STK24: variants seen among roughly 807,000 people sequenced by gnomAD.
STK24 encodes serine/threonine kinase 24, also known as serine/threonine-protein kinase 24.
STK24 carries 21 observed loss-of-function variants against 55.6 expected under a neutral mutation model. That is an observed-to-expected ratio of 0.38 (90% CI 0.27 to 0.54). The LOEUF (loss-of-function observed/expected upper bound fraction) is 0.54. Among genes scored for constraint, STK24 ranks in the 20% least tolerant of loss-of-function variants. The pLI is 0.79. For missense variants in STK24, 383 were observed against 538.4 expected (o/e 0.71, Z 2.86); for synonymous variants, 200 against 215.2 (o/e 0.93, Z 0.62).
intron 1 of STK24, among the ~76,000 whole-genome samples, chr13:98,550,578 TTCTC>T (rs1223891253): frequency 6.6e-6 from 1 of 152,198 alleles, no homozygotes; most frequent in African/African-American, 2.4e-5. Context: ...TAGTTTTGTC[TTCTC>T]TCTCTAAAGA....
chr13:98,474,473 TGG>T (rs1457663317), intron 5 of STK24, among the ~76,000 whole-genome samples: 7 of 151,878 alleles, frequency 4.6e-5, no homozygotes, highest in Non-Finnish European at 7.4e-5. Flanking sequence ...AGACAGCAGG[TGG>T]AGCCCCTCTG....
At chr13:98,569,614 T>A (rs551690466) in intron 1 of STK24, among the ~76,000 whole-genome samples, 163 of 152,074 alleles carry the variant, frequency 1.1e-3, no homozygotes, top group Non-Finnish European at 8.1e-4. Flanking sequence ...CTGGGATGAA[T>A]GAGAAGCATT....
intron 1 of STK24, among the ~76,000 whole-genome samples, chr13:98,528,241 C>G (rs146039123): frequency 6.6e-6 from 1 of 152,214 alleles, no homozygotes; most frequent in Non-Finnish European, 1.5e-5. Flanking sequence ...ATGACCACAC[C>G]TACCTTGCAA....
chr13:98,562,107 T>A (rs145936886), intron 1 of STK24, among the ~76,000 whole-genome samples: 2 of 151,814 alleles, frequency 1.3e-5, no homozygotes, highest in East Asian at 3.9e-4. Flanking sequence ...TATGACACAA[T>A]GCTGAATGAG....
intron 2 of STK24, among the ~76,000 whole-genome samples, chr13:98,514,022 T>TG (rs2043954799): frequency 6.6e-6 from 1 of 152,240 alleles, no homozygotes; most frequent in African/African-American, 2.4e-5. Context: ...ACAGGATACA[T>TG]TCATCATCAT....
intron 1 of STK24, among the ~76,000 whole-genome samples, chr13:98,529,922 C>G (rs1415023806): frequency 6.6e-6 from 1 of 152,084 alleles, no homozygotes; most frequent in East Asian, 1.9e-4. Flanking sequence ...TAAAGGTAAC[C>G]ATTAAACCTC....
intron 1 of STK24, among the ~76,000 whole-genome samples, chr13:98,565,338 T>C (rs1437829291): frequency 6.6e-6 from 1 of 151,914 alleles, no homozygotes; most frequent in Non-Finnish European, 1.5e-5. Context: ...CCTTATATTC[T>C]ATTAGAGGGC....
chr13:98,551,481 C>T (rs947744454), intron 1 of STK24, among the ~76,000 whole-genome samples: 1 of 151,252 alleles, frequency 6.6e-6, no homozygotes, highest in African/African-American at 2.4e-5. Flanking sequence ...CTTTATCCTA[C>T]TCCAAACTAA....
At chr13:98,477,069 T>G (rs1894405484) in intron 3 of STK24, among the ~76,000 whole-genome samples, 2 of 152,238 alleles carry the variant, frequency 1.3e-5, no homozygotes, top group South Asian at 4.1e-4. Flanking sequence ...ACTAAGGCAT[T>G]ACGCCACAGA....
intron 2 of STK24, among the ~76,000 whole-genome samples, chr13:98,518,421 T>G (rs753718743): frequency 2.0e-5 from 3 of 152,238 alleles, no homozygotes; most frequent in Non-Finnish European, 2.9e-5. Context: ...AATCATCATT[T>G]CTTTCTTCAT....
chr13:98,477,755 G>A (rs1403983888), intron 3 of STK24, among the ~76,000 whole-genome samples: 6 of 151,298 alleles, frequency 4.0e-5, no homozygotes, highest in South Asian at 2.1e-4. Flanking sequence ...CCAAGCCGAC[G>A]ATCAATACCT....
chr13:98,477,386 T>TA (rs2139293026), intron 3 of STK24, among the ~76,000 whole-genome samples: 1 of 152,278 alleles, frequency 6.6e-6, no homozygotes, highest in African/African-American at 2.4e-5. Flanking sequence ...AAAGTCATGT[T>TA]AGAGGCCAGG....
At chr13:98,562,644 A>C (rs763931747) in intron 1 of STK24, among the ~76,000 whole-genome samples, 1 of 152,216 alleles carries the variant, frequency 6.6e-6, no homozygotes, top group African/African-American at 2.4e-5. Flanking sequence ...GGCTGGGTGC[A>C]GTGGCTCACG....
rs142747154 is a variant in STK24, at chr13:98,462,102, G to A, written c.930-205C>T. ...CCTCACAGAGAAGAGACCATCGGGA[G>A]GTGGTTCCACAACTCCCTGGCGTGC... is the stretch of plus-strand genomic sequence containing the variant. On this transcript the variant is annotated intron_variant, in intron 7 of 10. Coordinates refer to ENST00000539966, the MANE Select transcript of STK24 (RefSeq NM_001032296.4). Among the ~76,000 whole-genome samples the A allele has an allele frequency of 2.0e-5, 3 of 152,154 alleles. No individual in the cohort carries two copies. In the East Asian group the frequency reaches 5.8e-4, roughly 30 times the overall value.
intron 2 of STK24, among the ~76,000 whole-genome samples, chr13:98,498,129 T>C (rs1895318106): frequency 6.6e-6 from 1 of 152,240 alleles, no homozygotes; most frequent in Admixed American, 6.5e-5. Context: ...TGAGCACTGA[T>C]GGTCTATTGT....
In STK24 at chr13:98,453,032, T is replaced by C; in HGVS notation, c.*141A>G. On this transcript the variant is annotated 3_prime_UTR_variant, in exon 11 of 11. Transcript: ENST00000539966. ...GCACAGTGAAGACTGTGTGTGTCCC[T>C]GGACGGGCGCCTGGCGCTGGGGTGG... 1 of 869,854 alleles carries C rather than the reference T, an allele frequency of 1.1e-6. No individual in the cohort carries two copies. The highest frequency in any genetic ancestry group is 1.6e-5 in the South Asian group (1 of 60,644). 53.9% of individuals were successfully genotyped at this position (869,854 alleles called of 1,614,324 possible).
chr13:98,448,433 C>T lies in STK24; in HGVS notation c.*4740G>A. The T allele has an allele frequency of 1.2e-6, 1 of 851,654 alleles. No individual in the cohort carries two copies. The highest frequency in any genetic ancestry group is 2.0e-6 in the Non-Finnish European group (1 of 512,052). The allele number at this position is 851,654 out of a possible 1,614,324, so 52.8% of individuals were successfully genotyped here. On this transcript the variant is annotated 3_prime_UTR_variant, in exon 11 of 11. Transcript: ENST00000539966. ...GTCTGAAAATCAAAAACATGGCTTC[C>T]CAGCAGCTCTCCTGTCTCCACAGCC...
chr13:98,562,325 C>T (rs1412303514), intron 1 of STK24, among the ~76,000 whole-genome samples: 1 of 152,202 alleles, frequency 6.6e-6, no homozygotes, highest in African/African-American at 2.4e-5. Flanking sequence ...CAACCCCCCA[C>T]TTCACATGAT....
intron 3 of STK24, among the ~76,000 whole-genome samples, chr13:98,480,370 T>C (rs963131808): frequency 2.6e-5 from 4 of 152,238 alleles, no homozygotes; most frequent in Non-Finnish European, 5.9e-5. Flanking sequence ...ATGCTACAAA[T>C]GAAATTCACT....
Sources: allele counts gnomAD v4.1 joint callset (sites outside exome capture counted in the v4.1 genomes callset), GRCh38; gene constraint gnomAD v4.1.1; transcripts MANE v1.5; gene names NCBI Gene and HGNC (gene_info 2026-07-23, HGNC 2026-07-21).